The following TTBK2 variants were observed in gnomAD, a reference collection of about 807,000 sequenced individuals.
TTBK2 encodes the protein tau tubulin kinase 2.
TTBK2 carries 28 observed loss-of-function variants against 110.8 expected under a neutral mutation model. The observed-to-expected ratio is 0.25, with a 90% confidence interval of 0.19 to 0.35. The LOEUF (loss-of-function observed/expected upper bound fraction) is 0.35. Among genes scored for constraint, TTBK2 ranks in the 10% least tolerant of loss-of-function variants. The pLI, the probability that TTBK2 is intolerant of heterozygous loss-of-function variation, is 1.00. For synonymous variants in TTBK2, 532 were observed against 527.3 expected (o/e 1.01, Z -0.12); for missense variants, 1,369 against 1,500.3 (o/e 0.91, Z 1.45).
intron 13 of TTBK2, among the ~76,000 whole-genome samples, chr15:42,753,913 A>T (rs1259831851): frequency 1.3e-5 from 2 of 152,130 alleles, no homozygotes; most frequent in Non-Finnish European, 2.9e-5. Context: ...CAGAATCCAG[A>T]TACAGGATTA....
chr15:42,815,895 T>A lies in TTBK2; in HGVS notation c.603+1137A>T, dbSNP rs1240141330. Among the ~76,000 whole-genome samples the A allele has an allele frequency of 3.7e-4, 27 of 73,116 alleles. 2 individuals carry two copies. The highest frequency in any genetic ancestry group is 1.4e-3 in the African/African-American group (14 of 9,850). 48.0% of individuals were successfully genotyped at this position (73,116 alleles called of 152,430 possible). A position where few individuals can be genotyped will look rare whatever the true frequency, so the allele number is the denominator to read the frequency against. Reference sequence around the variant, plus strand: ...ATTTAAATATATATATATTTAAAAATATATATATATATTTAAAAATATATA... The same window carrying A: ...ATTTAAATATATATATATTTAAAAAAATATATATATATTTAAAAATATATA... On this transcript the variant is annotated intron_variant, in intron 7 of 14. Transcript: ENST00000267890.
At chr15:42,791,104 G>C (rs538169683) in intron 10 of TTBK2, among the ~76,000 whole-genome samples, 1 of 152,088 alleles carries the variant, frequency 6.6e-6, no homozygotes, top group Non-Finnish European at 1.5e-5. Context: ...AGCCAGGATG[G>C]TCTCGATCTG....
chr15:42,883,605 C>CA (rs977329851), intron 1 of TTBK2, among the ~76,000 whole-genome samples: 4 of 148,848 alleles, frequency 2.7e-5, no homozygotes, highest in African/African-American at 7.4e-5. Flanking sequence ...TCAGGAAAAG[C>CA]AAAAAAAATA....
At chr15:42,838,664 A>C (rs1373871829) in intron 4 of TTBK2, among the ~76,000 whole-genome samples, 6 of 152,000 alleles carry the variant, frequency 3.9e-5, no homozygotes, top group African/African-American at 1.4e-4. Flanking sequence ...AAAAATACAG[A>C]AATTAGCCGG....
chr15:42,785,383 A>T (rs930957359), intron 10 of TTBK2, among the ~76,000 whole-genome samples: 1 of 152,118 alleles, frequency 6.6e-6, no homozygotes, highest in Non-Finnish European at 1.5e-5. Context: ...GGCCTCCCAA[A>T]GTGCTGGGAT....
At chr15:42,868,630 G>A (rs1894480870) in intron 3 of TTBK2, among the ~76,000 whole-genome samples, 1 of 151,354 alleles carries the variant, frequency 6.6e-6, no homozygotes, top group South Asian at 2.1e-4. Flanking sequence ...GCCGAGGCAA[G>A]AGGACTGCTT....
intron 9 of TTBK2, among the ~76,000 whole-genome samples, chr15:42,807,242 T>C (rs533652833): frequency 2.0e-5 from 3 of 152,286 alleles, no homozygotes; most frequent in South Asian, 2.1e-4. Flanking sequence ...ATTAGCAACG[T>C]TGTAGCAGTG....
intron 13 of TTBK2, among the ~76,000 whole-genome samples, chr15:42,763,832 C>T (rs375928619): frequency 5.9e-5 from 9 of 152,158 alleles, no homozygotes; most frequent in East Asian, 5.8e-4. Flanking sequence ...GCCTCAAAAC[C>T]TACGTGAATG....
intron 1 of TTBK2, among the ~76,000 whole-genome samples, chr15:42,879,417 A>G (rs1475161084): frequency 6.6e-6 from 1 of 152,182 alleles, no homozygotes; most frequent in East Asian, 1.9e-4. Context: ...TTTTTTAAAA[A>G]GAAAGAAAGA....
chr15:42,879,786 C>T (rs922954743), intron 1 of TTBK2, among the ~76,000 whole-genome samples: 2 of 151,974 alleles, frequency 1.3e-5, no homozygotes, highest in Non-Finnish European at 2.9e-5. Context: ...TGCTTGAGCC[C>T]GGGAGTTTGA....
At position 42,752,955 on chromosome 15, in the gene TTBK2, C is replaced by G; in HGVS notation, c.2291G>C (p.Arg764Thr). The change falls in exon 14 of 15, where the codon AGA (arginine) becomes ACA (threonine). Residue 764 changes from arginine (R) to threonine (T), a missense_variant. This residue lies in a region of TTBK2 where 1,097 missense variants were observed against 1,114.7 expected (regional missense o/e 0.98). Coordinates refer to ENST00000267890, the MANE Select transcript of TTBK2 (RefSeq NM_173500.4). ...ATTTTCAAATTCTCTCACAACCAGTCTATTATGATCAGGAAGTTCTTTTGG... is the reference window on the plus strand; with the variant it reads ...ATTTTCAAATTCTCTCACAACCAGTGTATTATGATCAGGAAGTTCTTTTGG... ...LGPKELPDHN[R>T]LVVREFENLP... The G allele has an allele frequency of 6.2e-7, 1 of 1,614,190 alleles. No homozygotes were observed. Among genetic ancestry groups the G allele is most frequent in the East Asian group, 2.2e-5 (1 of 44,890 alleles).
Position 42,740,704 on chromosome 15 carries a change from C to CG in TTBK2, c.*5090dup, listed in dbSNP as rs1398722541. On this transcript the variant is annotated 3_prime_UTR_variant, in exon 15 of 15. Coordinates refer to ENST00000267890, the MANE Select transcript of TTBK2 (RefSeq NM_173500.4). ...CTGAGCATCTGGGACTACAGGCGCC[C>CG]GCCACCATGCCCAGCTAATTTTTTG... 1.3e-5 allele frequency: 2 copies of CG among 151,930 alleles called. No individual in the cohort carries two copies. Among genetic ancestry groups the CG allele is most frequent in the Non-Finnish European group, 2.9e-5 (2 of 68,046 alleles). The allele number at this position is 151,930 out of a possible 1,614,324, so 9.4% of individuals were successfully genotyped here.
At chr15:42,759,737 C>T (rs891506907) in intron 13 of TTBK2, among the ~76,000 whole-genome samples, 1 of 152,076 alleles carries the variant, frequency 6.6e-6, no homozygotes, top group Non-Finnish European at 1.5e-5. Context: ...GGCACCACAC[C>T]CAACTGATAC....
At chr15:42,889,946 TAAG>T (rs1895389118) in intron 1 of TTBK2, among the ~76,000 whole-genome samples, 1 of 152,152 alleles carries the variant, frequency 6.6e-6, no homozygotes, top group Non-Finnish European at 1.5e-5. Context: ...CTTATTAATA[TAAG>T]AAGACAGGAA....
intron 6 of TTBK2, among the ~76,000 whole-genome samples, chr15:42,821,440 C>G (rs999279511): frequency 6.6e-6 from 1 of 152,114 alleles, no homozygotes; most frequent in Admixed American, 6.6e-5. Flanking sequence ...AAAATTCATA[C>G]TTTATGTATA....
chr15:42,752,674 C>T lies in TTBK2; in HGVS notation c.2572G>A (p.Asp858Asn), dbSNP rs1211516381. The T allele has an allele frequency of 9.3e-6, 15 of 1,613,974 alleles. 1 individual carries two copies. In the East Asian group the frequency reaches 3.1e-4, roughly 34 times the overall value. Residue 858 changes from aspartate (D) to asparagine (N), a missense_variant, in exon 14 of 15, where the codon GAC becomes AAC. Transcript: ENST00000267890. ...TVGTSEISSR[D>N]IDPHVEGQIG... ...TGACCTTCAACATGTGGGTCAATGT[C>T]TCTGGAAGAAATTTCTGAAGTTCCA...
chr15:42,790,339 T>C (rs898863052), intron 10 of TTBK2, among the ~76,000 whole-genome samples: 1 of 151,196 alleles, frequency 6.6e-6, no homozygotes, highest in African/African-American at 2.4e-5. Context: ...GGGTGGAGTA[T>C]AGTGGCGCGA....
chr15:42,747,910 T>C (rs1435194937), intron 14 of TTBK2, among the ~76,000 whole-genome samples: 1 of 152,116 alleles, frequency 6.6e-6, no homozygotes, highest in African/African-American at 2.4e-5. Context: ...ACATCATATA[T>C]AATGATACAC....
chr15:42,829,345 C>T (rs938898881), intron 5 of TTBK2, among the ~76,000 whole-genome samples: 1 of 152,296 alleles, frequency 6.6e-6, no homozygotes, highest in South Asian at 2.1e-4. Flanking sequence ...TAAGGTCTTT[C>T]ACAACTGATG....
Sources: gnomAD v4.1 joint callset for allele counts (sites outside exome capture counted in the v4.1 genomes callset) on GRCh38, gnomAD v4.1.1 for gene constraint, gnomAD v4.1.1 regional missense constraint, MANE v1.5 for transcripts, NCBI Gene and HGNC (gene_info 2026-07-23, HGNC 2026-07-21) for gene names.